The following LINGO2 variants were observed in gnomAD, a reference collection of about 807,000 sequenced individuals.
The protein encoded by LINGO2 is leucine rich repeat and Ig domain containing 2, also known as leucine-rich repeat and immunoglobulin-like domain-containing nogo receptor-interacting protein 2.
In LINGO2, 14 loss-of-function variants were observed where a neutral mutation model predicts 30.6. The ratio of observed to expected loss-of-function variants is 0.46; its 90% CI spans 0.30 to 0.72. The LOEUF (loss-of-function observed/expected upper bound fraction) is 0.72. LINGO2 is among the 30% of genes least tolerant of loss of function. LINGO2 has a pLI of 0.07. For synonymous variants in LINGO2, 317 were observed against 288.5 expected (o/e 1.10, Z -1.00); for missense variants, 729 against 751.7 (o/e 0.97, Z 0.35).
intron 2 of LINGO2, among the ~76,000 whole-genome samples, chr9:28,409,620 G>GGTGTGTGTGT (rs150611305): frequency 1.4e-5 from 2 of 146,312 alleles, no homozygotes; most frequent in African/African-American, 2.5e-5. Context: ...GATGTGCAGG[G>GGTGTGTGTGT]GTGTGTGTGT....
chr9:29,132,538 C>A, the LINGO2 span, among the ~76,000 whole-genome samples: 7 of 152,252 alleles, frequency 4.6e-5, no homozygotes, highest in East Asian at 9.7e-4. Flanking sequence ...CAATGGGAAA[C>A]CTCTAGAGAG....
chr9:28,233,800 C>T (rs566562148), intron 4 of LINGO2, among the ~76,000 whole-genome samples: 1 of 152,152 alleles, frequency 6.6e-6, no homozygotes, highest in Non-Finnish European at 1.5e-5. Flanking sequence ...ATTCCAGGCC[C>T]TAGCTCCCAG....
the LINGO2 span, among the ~76,000 whole-genome samples, chr9:28,700,443 T>A: frequency 6.6e-6 from 1 of 152,076 alleles, no homozygotes; most frequent in East Asian, 1.9e-4. Flanking sequence ...TGTTCCTCCA[T>A]GTTTTTTTGT....
At chr9:29,039,171 G>T in the LINGO2 span, among the ~76,000 whole-genome samples, 1 of 152,204 alleles carries the variant, frequency 6.6e-6, no homozygotes, top group African/African-American at 2.4e-5. Flanking sequence ...AAGAAATCTG[G>T]CACCAATTTA....
intron 5 of LINGO2, among the ~76,000 whole-genome samples, chr9:27,990,464 C>CT (rs1554650632): frequency 9.8e-6 from 1 of 102,224 alleles, no homozygotes; most frequent in Admixed American, 1.0e-4. Flanking sequence ...GTCTCAATAC[C>CT]CCCCCCCCTT....
At chr9:29,190,140 T>C in the LINGO2 span, among the ~76,000 whole-genome samples, 2 of 152,114 alleles carry the variant, frequency 1.3e-5, no homozygotes, top group Non-Finnish European at 2.9e-5. Context: ...AGAAATGCAT[T>C]AAAATTAAAA....
intron 3 of LINGO2, among the ~76,000 whole-genome samples, chr9:28,342,547 G>A (rs1264871537): frequency 6.6e-6 from 1 of 151,992 alleles, no homozygotes; most frequent in Non-Finnish European, 1.5e-5. Context: ...GGCCTTTGGT[G>A]AGATCTGGGT....
At chr9:28,277,406 C>T (rs1823154783) in intron 4 of LINGO2, among the ~76,000 whole-genome samples, 1 of 152,158 alleles carries the variant, frequency 6.6e-6, no homozygotes, top group South Asian at 2.1e-4. Flanking sequence ...CCTCCCTATT[C>T]CCTGAGACAC....
chr9:29,140,732 A>G, the LINGO2 span, among the ~76,000 whole-genome samples: 1 of 151,994 alleles, frequency 6.6e-6, no homozygotes, highest in Non-Finnish European at 1.5e-5. Context: ...ATTAAAATCA[A>G]ATTCTAATAA....
chr9:28,561,589 T>G (rs965847303), intron 1 of LINGO2, among the ~76,000 whole-genome samples: 14 of 135,712 alleles, frequency 1.0e-4, no homozygotes, highest in African/African-American at 3.7e-4. Flanking sequence ...TGTGTTTATA[T>G]ATTATATATA....
At chr9:28,307,660 T>C (rs1824425571) in intron 3 of LINGO2, among the ~76,000 whole-genome samples, 1 of 152,176 alleles carries the variant, frequency 6.6e-6, no homozygotes, top group African/African-American at 2.4e-5. Flanking sequence ...GCAGATGACA[T>C]GATTGTATAT....
At chr9:29,132,132 A>G in the LINGO2 span, among the ~76,000 whole-genome samples, 1 of 151,928 alleles carries the variant, frequency 6.6e-6, no homozygotes, top group African/African-American at 2.4e-5. Flanking sequence ...GTGTGCCACA[A>G]GTCAGCATGA....
intron 1 of LINGO2, among the ~76,000 whole-genome samples, chr9:28,585,304 T>A (rs919619566): frequency 5.3e-5 from 8 of 151,996 alleles, no homozygotes; most frequent in African/African-American, 1.9e-4. Flanking sequence ...GGAAACATTT[T>A]AGTGTTGTTT....
At chr9:28,795,851 C>CTGA in the LINGO2 span, among the ~76,000 whole-genome samples, 100 of 152,076 alleles carry the variant, frequency 6.6e-4, no homozygotes, top group Non-Finnish European at 1.1e-3. Flanking sequence ...GAAACTCATG[C>CTGA]TTATTCAGTG....
At chr9:28,469,409 G>T (rs1265054767) in intron 2 of LINGO2, among the ~76,000 whole-genome samples, 1 of 152,036 alleles carries the variant, frequency 6.6e-6, no homozygotes, top group Non-Finnish European at 1.5e-5. Flanking sequence ...ATTATTTGAA[G>T]AAATAATGGC....
the LINGO2 span, among the ~76,000 whole-genome samples, chr9:28,925,782 C>G: frequency 1.3e-5 from 2 of 152,144 alleles, no homozygotes; most frequent in African/African-American, 2.4e-5. Context: ...CTATAGAAGA[C>G]AAATAAATTG....
chr9:28,430,965 T>A (rs1369594301), intron 2 of LINGO2, among the ~76,000 whole-genome samples: 1 of 150,756 alleles, frequency 6.6e-6, no homozygotes, highest in African/African-American at 2.4e-5. Context: ...TTTCCTTGTA[T>A]ACCAATGGAC....
the LINGO2 span, among the ~76,000 whole-genome samples, chr9:28,859,977 C>T: frequency 6.6e-6 from 1 of 151,950 alleles, no homozygotes; most frequent in African/African-American, 2.4e-5. Flanking sequence ...ACAATTATTT[C>T]TACAGTTCTT....
At chr9:28,054,159 C>G (rs1366323900) in intron 4 of LINGO2, among the ~76,000 whole-genome samples, 1 of 151,998 alleles carries the variant, frequency 6.6e-6, no homozygotes, top group Non-Finnish European at 1.5e-5. Context: ...GGGACCTTAG[C>G]CTGTTGTACA....
Sources: allele counts gnomAD v4.1 joint callset (sites outside exome capture counted in the v4.1 genomes callset), GRCh38; gene constraint gnomAD v4.1.1; transcripts MANE v1.5; gene names NCBI Gene and HGNC (gene_info 2026-07-23, HGNC 2026-07-21).